FLVCR2: variants seen among roughly 807,000 people sequenced by gnomAD.
FLVCR2 encodes FLVCR choline and putative heme transporter 2.
Under a neutral mutation model 48.9 loss-of-function variants are expected in FLVCR2, and 38 were observed. The ratio of observed to expected loss-of-function variants is 0.78; its 90% CI spans 0.60 to 1.02. FLVCR2 has a LOEUF of 1.02. Ranked by LOEUF, FLVCR2 falls within the 50% of genes least tolerant of loss-of-function variation. FLVCR2 has a pLI of 0.00. For synonymous variants in FLVCR2, 255 were observed against 257.0 expected (o/e 0.99, Z 0.07); for missense variants, 664 against 663.3 (o/e 1.00, Z -0.01).
chr14:75,594,221 C>T (rs1179362953), intron 1 of FLVCR2, among the ~76,000 whole-genome samples: 1 of 152,194 alleles, frequency 6.6e-6, no homozygotes, highest in African/African-American at 2.4e-5. Flanking sequence ...GTCTATATTT[C>T]TACCAACATT....
At chr14:75,614,941 A>G (rs1889569548) in intron 1 of FLVCR2, among the ~76,000 whole-genome samples, 1 of 152,320 alleles carries the variant, frequency 6.6e-6, no homozygotes, top group Admixed American at 6.5e-5. Context: ...AACTGCCCCC[A>G]TGATCCAGTC....
intron 3 of FLVCR2, chr14:75,631,704 A>G (rs1267192992): frequency 8.8e-6 from 4 of 453,416 alleles, no homozygotes; most frequent in African/African-American, 4.0e-5. Context: ...GGAGGAATGA[A>G]TGGGAAGACG....
intron 3 of FLVCR2, chr14:75,631,832 A>G: frequency 6.6e-6 from 3 of 456,060 alleles, no homozygotes; most frequent in Non-Finnish European, 8.8e-6. Context: ...CTGAGTATGT[A>G]CTATGAAGGG....
rs1265170878 is a variant in FLVCR2, at chr14:75,610,227, TTGTTCTCTCACTGAAAGAAAAG to T, written c.670-11851_670-11830del. Among the ~76,000 whole-genome samples, 8 of 152,266 alleles carry T rather than the reference TTGTTCTCTCACTGAAAGAAAAG, an allele frequency of 5.3e-5. No individual in the cohort carries two copies. The East Asian group carries it at 1.5e-3, about 29-fold the overall frequency. On this transcript the variant is annotated intron_variant, in intron 1 of 9. Transcript: ENST00000238667. ...ATTAATGTATTGAGGTGACAGTGATTTGTTCTCTCACTGAAAGAAAAGGCAGTGGATTCTTCACTTCTGCACC... is the reference window on the plus strand; with the variant it reads ...ATTAATGTATTGAGGTGACAGTGATTGCAGTGGATTCTTCACTTCTGCACC...
At chr14:75,616,550 C>T (rs1468364024) in intron 1 of FLVCR2, among the ~76,000 whole-genome samples, 1 of 151,994 alleles carries the variant, frequency 6.6e-6, no homozygotes, top group African/African-American at 2.4e-5. Context: ...ACTTTTTTGA[C>T]TCAGCACTAG....
chr14:75,605,645 C>T lies in FLVCR2; in HGVS notation c.670-16434C>T, dbSNP rs971683809. ...AGGAGGTGAGGATAGATCTTACTTCCTTCCCAACTTCTTTGGGTTCAGCCG... is the reference window on the plus strand; with the variant it reads ...AGGAGGTGAGGATAGATCTTACTTCTTTCCCAACTTCTTTGGGTTCAGCCG... On this transcript the variant is annotated intron_variant, in intron 1 of 9. Transcript: ENST00000238667. 4 of 1,535,158 alleles carry T rather than the reference C, an allele frequency of 2.6e-6. No homozygotes were observed. The African/African-American group carries it at 5.5e-5, about 21-fold the overall frequency.
At chr14:75,583,250 A>G (rs556849899) in intron 1 of FLVCR2, among the ~76,000 whole-genome samples, 4 of 152,286 alleles carry the variant, frequency 2.6e-5, no homozygotes, top group African/African-American at 9.6e-5. Flanking sequence ...TAGACAAGAC[A>G]ATTTGGTTGA....
Position 75,579,169 on chromosome 14 carries a change from AC to A in FLVCR2, c.201del (p.Ser68ValfsTer10). ...TTAGCCCAACCCAGTGGCTTGGCTC[AC>A]CCCAGTAGCTCGGGCCCTGAGGACC... ...SALAQPSGLA[H>X]PSSSGPEDLS... On this transcript the variant is annotated frameshift_variant, in exon 1 of 10. Coordinates refer to ENST00000238667, the MANE Select transcript of FLVCR2 (RefSeq NM_017791.3). LOFTEE classifies it high-confidence loss of function. 1 of 1,613,766 alleles carries A rather than the reference AC, an allele frequency of 6.2e-7. No individual in the cohort carries two copies. Among genetic ancestry groups the A allele is most frequent in the Admixed American group, 1.7e-5 (1 of 59,978 alleles).
At chr14:75,594,237 T>C (rs1888962079) in intron 1 of FLVCR2, among the ~76,000 whole-genome samples, 1 of 152,222 alleles carries the variant, frequency 6.6e-6, no homozygotes, top group South Asian at 2.1e-4. Flanking sequence ...ACATTCTGAT[T>C]AGGACCACCT....
At chr14:75,609,135 C>T (rs1594800514) in intron 1 of FLVCR2, among the ~76,000 whole-genome samples, 1 of 152,112 alleles carries the variant, frequency 6.6e-6, no homozygotes, top group East Asian at 1.9e-4. Context: ...TATTGAGCAT[C>T]TACTCTGTGC....
chr14:75,606,258 C>A (rs1889288099), intron 1 of FLVCR2, among the ~76,000 whole-genome samples: 1 of 152,102 alleles, frequency 6.6e-6, no homozygotes, highest in African/African-American at 2.4e-5. Flanking sequence ...AACTCCTGGG[C>A]TCAAGTGATC....
At chr14:75,639,219 A>C in intron 5 of FLVCR2, 133 bp from the exon 6 acceptor site, 1 of 727,270 alleles carries the variant, frequency 1.4e-6, no homozygotes, top group Non-Finnish European at 2.5e-6. Context: ...TCTGAAAACA[A>C]AACAAAACTC....
intron 1 of FLVCR2, among the ~76,000 whole-genome samples, chr14:75,601,231 G>A (rs1171365255): frequency 6.6e-6 from 1 of 152,272 alleles, no homozygotes; most frequent in Non-Finnish European, 1.5e-5. Context: ...TCATGCTTTT[G>A]TTTGTGGCTT....
At position 75,624,635 on chromosome 14, in the gene FLVCR2, C is replaced by G; in HGVS notation, c.835C>G (p.Pro279Ala). Reference sequence around the variant, plus strand: ...AGTGTTCAAGGAGAAACCTAAATATCCCCCCAGCAGGGCCCAATCCCTGAG... The same window carrying G: ...AGTGTTCAAGGAGAAACCTAAATATGCCCCCAGCAGGGCCCAATCCCTGAG... ...IIVFKEKPKYPPSRAQSLSYA... is the reference protein window; with the variant it reads ...IIVFKEKPKYAPSRAQSLSYA... Residue 279 changes from proline (P) to alanine (A), a missense_variant, in exon 3 of 10, where the codon CCC (proline) becomes GCC (alanine). Transcript: ENST00000238667. The G allele has an allele frequency of 6.2e-7, 1 of 1,614,022 alleles. No homozygotes were observed. Among genetic ancestry groups the G allele is most frequent in the Non-Finnish European group, 8.5e-7 (1 of 1,179,948 alleles).
chr14:75,640,869 A>T, intron 6 of FLVCR2, 86 bp from the exon 7 acceptor site: 1 of 903,880 alleles, frequency 1.1e-6, no homozygotes, highest in South Asian at 1.3e-5. Context: ...AAAACAGCAA[A>T]GGGAGTCCTA....
intron 1 of FLVCR2, among the ~76,000 whole-genome samples, chr14:75,593,029 A>G (rs1355314864): frequency 6.6e-6 from 1 of 152,166 alleles, no homozygotes; most frequent in Admixed American, 6.5e-5. Context: ...TTCTATCAGC[A>G]TTTTGGTCAT....
At chr14:75,603,165 G>C (rs1295922275) in intron 1 of FLVCR2, among the ~76,000 whole-genome samples, 1 of 152,152 alleles carries the variant, frequency 6.6e-6, no homozygotes, top group Admixed American at 6.5e-5. Context: ...GCAGAAAAGG[G>C]TGGGGTCCCT....
At chr14:75,640,086 C>T (rs1320440185) in intron 6 of FLVCR2, among the ~76,000 whole-genome samples, 3 of 151,890 alleles carry the variant, frequency 2.0e-5, no homozygotes, top group African/African-American at 7.3e-5. Context: ...GGTGATACCG[C>T]GTCTCTACTA....
chr14:75,598,477 T>C (rs1172797928), intron 1 of FLVCR2, among the ~76,000 whole-genome samples: 1 of 152,128 alleles, frequency 6.6e-6, no homozygotes, highest in Admixed American at 6.5e-5. Context: ...GGAAGTGATT[T>C]TTCTTTTTTC....
Sources: gnomAD v4.1 joint callset for allele counts (sites outside exome capture counted in the v4.1 genomes callset) on GRCh38, gnomAD v4.1.1 for gene constraint, MANE v1.5 for transcripts, NCBI Gene and HGNC (gene_info 2026-07-23, HGNC 2026-07-21) for gene names.